The following ELFN1 variants were observed in gnomAD, a reference collection of about 807,000 sequenced individuals.
ELFN1 encodes the protein extracellular leucine rich repeat and fibronectin type III domain containing 1, also known as protein ELFN1.
A neutral mutation model predicts 7.6 loss-of-function variants in ELFN1; 6 were observed. The observed-to-expected ratio is 0.79, with a 90% CI of 0.43 to 1.56. ELFN1 has a LOEUF of 1.56. Among genes scored for constraint, ELFN1 ranks in the 40% most tolerant of loss-of-function variants. The pLI, the probability that ELFN1 is intolerant of heterozygous loss-of-function variation, is 0.01. For synonymous variants in ELFN1, 657 were observed against 588.1 expected (o/e 1.12, Z -1.70); for missense variants, 1,169 against 1,232.2 (o/e 0.95, Z 0.77).
chr7:1,742,156 G>A (rs568417483), intron 3 of ELFN1: 1 of 152,434 alleles, frequency 6.6e-6, no homozygotes, highest in Non-Finnish European at 1.5e-5. Context: ...AGGCCCCCAA[G>A]CCTCCTCCCT....
chr7:1,701,102 C>T lies in ELFN1; in HGVS notation c.-455-7989C>T, dbSNP rs990221824. ...GCGTGTGTGTGTGCGCGTGTGTGTG[C>T]GCATATGTGTGCGTATGTGAGCCTG... On this transcript the variant is annotated intron_variant, in intron 2 of 3. Coordinates refer to ENST00000424383, the MANE Select transcript of ELFN1 (RefSeq NM_001128636.4). Among the ~76,000 whole-genome samples the T allele has an allele frequency of 5.3e-5, 8 of 150,078 alleles. No individual in the cohort carries two copies. The East Asian group carries it at 5.9e-4, about 11-fold the overall frequency.
In ELFN1 at chr7:1,746,840, C is replaced by T. The variant is rs889826376; in HGVS notation, c.2244C>T (p.Leu748=). The change falls in exon 4 of 4, where the codon CTC becomes CTT. Residue 748 remains leucine, a synonymous_variant. Coordinates refer to ENST00000424383, the MANE Select transcript of ELFN1 (RefSeq NM_001128636.4). ...TCACCCGGCCGCGGCCCCGCGACCTCGCCTACTCGCAGCTGTCCCCGCAGT... is the reference window on the plus strand; with the variant it reads ...TCACCCGGCCGCGGCCCCGCGACCTTGCCTACTCGCAGCTGTCCCCGCAGT... The part of the protein sequence containing the change: ...EPLTRPRPRD[L]AYSQLSPQYH... 7.8e-6 allele frequency: 12 copies of T among 1,537,256 alleles called. No individual in the cohort carries two copies. Among genetic ancestry groups the T allele is most frequent in the Middle Eastern group, 1.7e-4 (1 of 5,980 alleles).
rs1012463285 is a variant in ELFN1, at chr7:1,735,586, G to A, written c.-293-8718G>A. Among the ~76,000 whole-genome samples, 1 of 152,116 alleles carries A rather than the reference G, an allele frequency of 6.6e-6. No individual in the cohort carries two copies. The highest frequency in any genetic ancestry group is 1.9e-4 in the East Asian group (1 of 5,186). ...CAGCCTCCCCTGGACAATAGGATGG[G>A]AGCAGGGAGCGGAAGAGAGGACTGG... On this transcript the variant is annotated intron_variant, in intron 3 of 3. Transcript: ENST00000424383. This position sits in a 1 kb window ranked among gnomAD's most constrained non-coding sequence, Gnocchi z 5.9.
At chr7:1,685,739 C>A (rs1312029088) in intron 1 of ELFN1, among the ~76,000 whole-genome samples, 1 of 149,848 alleles carries the variant, frequency 6.7e-6, no homozygotes, top group Non-Finnish European at 1.5e-5. Context: ...GTCTTTATTT[C>A]TTTGACTGCA....
At chr7:1,715,371 G>C (rs1779797977) in intron 3 of ELFN1, among the ~76,000 whole-genome samples, 1 of 152,124 alleles carries the variant, frequency 6.6e-6, no homozygotes, top group Non-Finnish European at 1.5e-5. Flanking sequence ...CCCACACCTG[G>C]CTGCTTCTCC....
rs535686762 is a variant in ELFN1, at chr7:1,747,619, G to A, written c.*536G>A. The A allele has an allele frequency of 3.0e-5, 5 of 165,254 alleles. No individual in the cohort carries two copies. Among genetic ancestry groups the A allele is most frequent in the East Asian group, 1.9e-4 (1 of 5,184 alleles). 10.2% of individuals were successfully genotyped at this position (165,254 alleles called of 1,614,324 possible). ...CTGTCCAGTCCGTCTCTTCATTGCCGCCTCCGGAGTCCACTGCAGAGGGGC... is the reference window on the plus strand; with the variant it reads ...CTGTCCAGTCCGTCTCTTCATTGCCACCTCCGGAGTCCACTGCAGAGGGGC... On this transcript the variant is annotated 3_prime_UTR_variant, in exon 4 of 4. Transcript: ENST00000424383.
chr7:1,703,841 G>A (rs1291881046), intron 2 of ELFN1, among the ~76,000 whole-genome samples: 2 of 152,212 alleles, frequency 1.3e-5, no homozygotes, highest in Admixed American at 6.5e-5. Flanking sequence ...GTGTATGTTT[G>A]AGACTCGGTT....
Position 1,695,880 on chromosome 7 carries a change from C to T in ELFN1, c.-456+7730C>T, listed in dbSNP as rs1040080889. On this transcript the variant is annotated intron_variant, in intron 2 of 3. Coordinates refer to ENST00000424383, the MANE Select transcript of ELFN1 (RefSeq NM_001128636.4). The surrounding 1 kb of genome is among the most constrained non-coding windows in gnomAD (Gnocchi z 5.1). ...TAGGGTTACCAGACAAAGTCTGTTT[C>T]CTCCTGGAGTGTGCATTTATTAAAT... Among the ~76,000 whole-genome samples the T allele has an allele frequency of 6.6e-6, 1 of 151,916 alleles. No homozygotes were observed. Among genetic ancestry groups the T allele is most frequent in the Non-Finnish European group, 1.5e-5 (1 of 68,014 alleles).
chr7:1,741,309 A>G (rs1583401943), intron 3 of ELFN1, among the ~76,000 whole-genome samples: 2 of 152,150 alleles, frequency 1.3e-5, no homozygotes, highest in African/African-American at 4.8e-5. Flanking sequence ...TGCCCAGGAG[A>G]CTTGGCAGCG....
At chr7:1,702,348 G>A (rs1337218339) in intron 2 of ELFN1, among the ~76,000 whole-genome samples, 2 of 151,898 alleles carry the variant, frequency 1.3e-5, no homozygotes, top group African/African-American at 4.8e-5. Flanking sequence ...GGTGTGAACT[G>A]GGAGGCGGTG....
At position 1,695,813 on chromosome 7, in the gene ELFN1, A is replaced by T. The variant is rs566628537; in HGVS notation, c.-456+7663A>T. Among the ~76,000 whole-genome samples, 197 of 150,600 alleles carry T rather than the reference A, an allele frequency of 1.3e-3. 1 individual carries two copies. The highest frequency in any genetic ancestry group is 4.3e-3 in the African/African-American group (175 of 40,882). ...TTCACTGACTCCCATTCATTTATTC[A>T]CAAACATTTACTCAGCAAATCTTGT... On this transcript the variant is annotated intron_variant, in intron 2 of 3. Coordinates refer to ENST00000424383, the MANE Select transcript of ELFN1 (RefSeq NM_001128636.4). The surrounding 1 kb of genome is among the most constrained non-coding windows in gnomAD (Gnocchi z 5.1).
chr7:1,668,819 T>C (rs1411092490), upstream of ELFN1, among the ~76,000 whole-genome samples: 4 of 152,240 alleles, frequency 2.6e-5, no homozygotes, highest in Admixed American at 2.6e-4. Context: ...GGCCACAGCT[T>C]AGGTGTTCCA....
intron 3 of ELFN1, among the ~76,000 whole-genome samples, chr7:1,726,328 C>T (rs992796548): frequency 2.0e-5 from 3 of 152,214 alleles, no homozygotes; most frequent in Non-Finnish European, 4.4e-5. Flanking sequence ...CTCTCCAAAC[C>T]CTGTCAGTTC....
chr7:1,725,770 A>G (rs1262974147), intron 3 of ELFN1, among the ~76,000 whole-genome samples: 1 of 152,184 alleles, frequency 6.6e-6, no homozygotes, highest in Non-Finnish European at 1.5e-5. Flanking sequence ...TGGAGGGGCC[A>G]GAGAACATGC....
Position 1,680,686 on chromosome 7 carries a change from C to T in ELFN1, c.-548-7372C>T, listed in dbSNP as rs76513076. The stretch of plus-strand genomic sequence containing the variant: ...TTCATGCCCAACTGTAGTCAGCACC[C>T]CCTACCCCACCCCCAGGCACTGATC... On this transcript the variant is annotated intron_variant, in intron 1 of 3. Coordinates refer to ENST00000424383, the MANE Select transcript of ELFN1 (RefSeq NM_001128636.4). Among the ~76,000 whole-genome samples the T allele has an allele frequency of 4.1e-3, 630 of 152,048 alleles. 2 individuals are homozygous for T. Among genetic ancestry groups the T allele is most frequent in the African/African-American group, 0.014 (584 of 41,446 alleles).
chr7:1,728,607 A>C (rs1029147956), intron 3 of ELFN1, among the ~76,000 whole-genome samples: 19 of 152,188 alleles, frequency 1.2e-4, no homozygotes, highest in African/African-American at 4.6e-4. Flanking sequence ...TGTCCATGCA[A>C]ATCCCACCGA....
chr7:1,686,912 A>G (rs889067812), intron 1 of ELFN1, among the ~76,000 whole-genome samples: 12 of 152,034 alleles, frequency 7.9e-5, no homozygotes, highest in African/African-American at 2.4e-4. Flanking sequence ...TTGCTGCCCC[A>G]GTCAGGATCA....
chr7:1,699,439 A>G (rs1177206853), intron 2 of ELFN1, among the ~76,000 whole-genome samples: 1 of 152,076 alleles, frequency 6.6e-6, no homozygotes, highest in African/African-American at 2.4e-5. Flanking sequence ...GGAGTTTGAA[A>G]CAAGTCTGGG....
At chr7:1,669,980 C>T (rs1374117506), upstream of ELFN1, among the ~76,000 whole-genome samples, 2 of 151,386 alleles carry the variant, frequency 1.3e-5, no homozygotes, top group Non-Finnish European at 2.9e-5. Context: ...CCAGCCCCTG[C>T]GCGTCGCCGG....
Sources: allele counts gnomAD v4.1 joint callset (sites outside exome capture counted in the v4.1 genomes callset), GRCh38; gene constraint gnomAD v4.1.1; non-coding constraint Gnocchi (gnomAD v3.1); transcripts MANE v1.5; gene names NCBI Gene and HGNC (gene_info 2026-07-23, HGNC 2026-07-21).